MANBA: variants seen among roughly 807,000 people sequenced by gnomAD.
MANBA encodes the protein beta-mannosidase.
Under a neutral mutation model 111.1 loss-of-function variants are expected in MANBA, and 83 were observed. The observed-to-expected ratio is 0.75, with a 90% CI of 0.63 to 0.90. The LOEUF (loss-of-function observed/expected upper bound fraction) is 0.90. MANBA is among the 40% of genes least tolerant of loss of function. The probability of loss-of-function intolerance (pLI) is 0.00; values close to 1 mark genes in which losing one functional copy is unlikely to be tolerated. For missense variants in MANBA, 1,036 were observed against 1,069.0 expected (o/e 0.97, Z 0.43); for synonymous variants, 370 against 378.7 (o/e 0.98, Z 0.27).
intron 8 of MANBA, chr4:102,671,997 C>T (rs1446573343): frequency 5.0e-6 from 2 of 399,202 alleles, no homozygotes; most frequent in Non-Finnish European, 8.8e-6. Context: ...ACAGGCACCA[C>T]GGCAGGCTTA....
chr4:102,633,225 T>G, intron 16 of MANBA: 1 of 398,472 alleles, frequency 2.5e-6, no homozygotes, highest in East Asian at 3.6e-5. Flanking sequence ...AGGCTTGAAT[T>G]TGGATGGCAA....
rs1252657930 is a variant in MANBA, at chr4:102,698,759, G to C, written c.674-7988C>G. 2.6e-5 allele frequency among the ~76,000 whole-genome samples: 4 copies of C among 151,562 alleles called. 1 individual carries two copies. Among genetic ancestry groups the C allele is most frequent in the African/African-American group, 9.7e-5 (4 of 41,104 alleles). On this transcript the variant is annotated intron_variant, in intron 5 of 16. Transcript: ENST00000647097. ...GTACCATGCTGTTTTGGTTACTGTAGCCTTGTAGTATAGTTTGAAGTCAGG... is the reference window on the plus strand; with the variant it reads ...GTACCATGCTGTTTTGGTTACTGTACCCTTGTAGTATAGTTTGAAGTCAGG...
chr4:102,719,672 C>T (rs1401739206), intron 4 of MANBA, among the ~76,000 whole-genome samples: 6 of 152,214 alleles, frequency 3.9e-5, no homozygotes, highest in Non-Finnish European at 7.3e-5. Flanking sequence ...TAGCACTTTA[C>T]AACATGCAAA....
chr4:102,652,266 C>T (rs555831933), intron 12 of MANBA, among the ~76,000 whole-genome samples: 13 of 152,182 alleles, frequency 8.5e-5, no homozygotes, highest in Non-Finnish European at 1.9e-4. Flanking sequence ...ACCCTTCCAC[C>T]CTCTAGTAAT....
chr4:102,683,631 A>AT (rs1474904878), intron 7 of MANBA, among the ~76,000 whole-genome samples: 1 of 152,130 alleles, frequency 6.6e-6, no homozygotes. Context: ...GATTGGTCAG[A>AT]TTTTTTATTC....
At chr4:102,694,384 T>A (rs1000541646) in intron 5 of MANBA, among the ~76,000 whole-genome samples, 4 of 152,202 alleles carry the variant, frequency 2.6e-5, no homozygotes, top group Non-Finnish European at 5.9e-5. Flanking sequence ...GCGCAAAGTC[T>A]TAAATAACCA....
chr4:102,701,211 G>A (rs1421959012), intron 5 of MANBA, among the ~76,000 whole-genome samples: 8 of 151,456 alleles, frequency 5.3e-5, no homozygotes, highest in African/African-American at 1.7e-4. Flanking sequence ...CCATTTGCTT[G>A]GTAGATCTTC....
At chr4:102,676,307 A>T (rs1009172139) in intron 7 of MANBA, among the ~76,000 whole-genome samples, 6 of 152,218 alleles carry the variant, frequency 3.9e-5, no homozygotes, top group African/African-American at 1.4e-4. Flanking sequence ...ATTTAAACTT[A>T]TACATGATAA....
Position 102,650,623 on chromosome 4 carries a change from T to G in MANBA, c.1783A>C (p.Met595Leu). Residue 595 changes from methionine to leucine, a missense_variant, in exon 13 of 17, where the codon ATG becomes CTG. By Grantham distance (15) the Met-to-Leu change is conservative (BLOSUM62 2). Coordinates refer to ENST00000647097, the MANE Select transcript of MANBA (RefSeq NM_005908.4). The stretch of plus-strand genomic sequence containing the variant: ...AAATGAAGTCCAGCCTGATAAAGCA[T>G]TTGTTTGTTACCACCTTCGTGATGT... The part of the protein sequence containing the change: ...RQHHEGGNKQ[M>L]LYQAGLHFKL... 6.2e-7 allele frequency: 1 copy of G among 1,613,492 alleles called. No homozygotes were observed. The highest frequency in any genetic ancestry group is 8.5e-7 in the Non-Finnish European group (1 of 1,179,446).
chr4:102,738,766 C>A (rs905103100), intron 1 of MANBA, among the ~76,000 whole-genome samples: 2 of 151,992 alleles, frequency 1.3e-5, no homozygotes, highest in African/African-American at 4.8e-5. Context: ...CTCTGAACTG[C>A]CAAATAAACA....
chr4:102,673,873 G>A, intron 8 of MANBA, 46 bp downstream of exon 8: 1 of 1,539,368 alleles, frequency 6.5e-7, no homozygotes, highest in Non-Finnish European at 9.0e-7. Context: ...AGCTTTGCGG[G>A]ACTGCTAATT....
chr4:102,732,814 T>C (rs903019928), intron 1 of MANBA, among the ~76,000 whole-genome samples: 1 of 152,176 alleles, frequency 6.6e-6, no homozygotes, highest in African/African-American at 2.4e-5. Context: ...AGCATGACCA[T>C]GTCATTCCCC....
At chr4:102,730,605 C>G (rs1722997217) in intron 1 of MANBA, 1 of 541,878 alleles carries the variant, frequency 1.8e-6, no homozygotes, top group African/African-American at 1.9e-5. Context: ...CAAAGCCTGA[C>G]AAGTTGATGC....
chr4:102,724,486 G>A (rs1477931410), intron 2 of MANBA, among the ~76,000 whole-genome samples: 1 of 151,608 alleles, frequency 6.6e-6, no homozygotes, highest in East Asian at 1.9e-4. Context: ...TTGAACCCAG[G>A]AGGCGGAGGT....
intron 11 of MANBA, among the ~76,000 whole-genome samples, chr4:102,660,090 T>C (rs1313366705): frequency 6.6e-6 from 1 of 152,184 alleles, no homozygotes; most frequent in East Asian, 1.9e-4. Context: ...TCCACCTGTG[T>C]TGTCTTGCCA....
In MANBA at chr4:102,635,857, T is replaced by A; in HGVS notation, c.2157+8A>T. ...CTTCGATCTTAGAAAACAATCCAAG[T>A]AACTTACACTGAGTGTCATCGAATA... On this transcript the variant is annotated splice_region_variant and intron_variant, in intron 15 of 16. Transcript: ENST00000647097. 1 of 1,609,846 alleles carries A rather than the reference T, an allele frequency of 6.2e-7. No individual in the cohort carries two copies. Among genetic ancestry groups the A allele is most frequent in the Non-Finnish European group, 8.5e-7 (1 of 1,176,100 alleles).
intron 7 of MANBA, among the ~76,000 whole-genome samples, chr4:102,683,535 T>A (rs368522382): frequency 3.9e-5 from 6 of 152,226 alleles, no homozygotes; most frequent in Non-Finnish European, 7.3e-5. Context: ...TATTAGTTCA[T>A]TAAAACACGT....
intron 1 of MANBA, chr4:102,751,260 G>A (rs1723779742): frequency 3.4e-6 from 1 of 291,680 alleles, no homozygotes. Flanking sequence ...CAGACCCAAG[G>A]AGGAAAAGCA....
intron 11 of MANBA, among the ~76,000 whole-genome samples, chr4:102,661,416 A>C (rs916422677): frequency 1.7e-4 from 26 of 152,188 alleles, no homozygotes; most frequent in Non-Finnish European, 2.2e-4. Flanking sequence ...CCCCCACAGC[A>C]TCGGGAATGA....
Sources: allele counts gnomAD v4.1 joint callset (sites outside exome capture counted in the v4.1 genomes callset), GRCh38; gene constraint gnomAD v4.1.1; transcripts MANE v1.5; gene names NCBI Gene and HGNC (gene_info 2026-07-23, HGNC 2026-07-21).